ANKRD27: variants seen among roughly 807,000 people sequenced by gnomAD.
The protein encoded by ANKRD27 is ankyrin repeat domain 27.
In ANKRD27, 112 loss-of-function variants were observed where a neutral mutation model predicts 129.7. The observed-to-expected ratio is 0.86, with a 90% CI of 0.74 to 1.01. ANKRD27 has a LOEUF of 1.01. Among genes scored for constraint, ANKRD27 ranks in the 50% least tolerant of loss-of-function variants. ANKRD27 has a pLI of 0.00. For synonymous variants in ANKRD27, 516 were observed against 511.2 expected (o/e 1.01, Z -0.13); for missense variants, 1,258 against 1,300.5 (o/e 0.97, Z 0.50).
intron 24 of ANKRD27, among the ~76,000 whole-genome samples, chr19:32,604,665 G>T (rs988396172): frequency 7.0e-6 from 1 of 143,872 alleles, no homozygotes; most frequent in African/African-American, 2.7e-5. Context: ...AGCAGAAACA[G>T]GTTCAAAAAA....
intron 12 of ANKRD27, among the ~76,000 whole-genome samples, 192 bp from the exon 13 acceptor site, chr19:32,631,686 G>A (rs1333602634): frequency 6.6e-6 from 1 of 152,228 alleles, no homozygotes; most frequent in Non-Finnish European, 1.5e-5. Flanking sequence ...TGGAAGTGGA[G>A]GCTTTGACGG....
At chr19:32,658,127 G>A (rs567209487) in intron 2 of ANKRD27, among the ~76,000 whole-genome samples, 96 of 152,220 alleles carry the variant, frequency 6.3e-4, no homozygotes, top group African/African-American at 2.1e-3. Flanking sequence ...GTCGCCCCAC[G>A]GGATAAGAGA....
chr19:32,607,820 C>G lies in ANKRD27; in HGVS notation c.2188G>C (p.Val730Leu). Residue 730 changes from valine (V) to leucine (L), a missense_variant, in exon 23 of 29, where the codon GTT becomes CTT. Coordinates refer to ENST00000306065, the MANE Select transcript of ANKRD27 (RefSeq NM_032139.3). ...TTCACACCAAGCCCACTGGCAGGAACCTTCGCCAGCCTCTGGGAAGCGCAG... is the reference window on the plus strand; with the variant it reads ...TTCACACCAAGCCCACTGGCAGGAAGCTTCGCCAGCCTCTGGGAAGCGCAG... The part of the protein sequence containing the change: ...CAPAQKRLAK[V>L]PASGLGVNVT... 6.3e-7 allele frequency: 1 copy of G among 1,597,236 alleles called. No homozygotes were observed. Among genetic ancestry groups the G allele is most frequent in the Non-Finnish European group, 8.5e-7 (1 of 1,173,820 alleles).
At chr19:32,627,222 ACCACACACTTTATGCGTCCACACAT>A (rs1291196108) in intron 15 of ANKRD27, among the ~76,000 whole-genome samples, 1 of 152,104 alleles carries the variant, frequency 6.6e-6, no homozygotes, top group East Asian at 1.9e-4. Context: ...GCCCTAGAGC[ACCACACACTTTATGCGTCCACACAT>A]CCACACAAGC....
At chr19:32,619,951 G>C (rs748140819) in intron 18 of ANKRD27, among the ~76,000 whole-genome samples, 24 of 152,090 alleles carry the variant, frequency 1.6e-4, no homozygotes, top group Non-Finnish European at 3.2e-4. Flanking sequence ...TCTCAAGTAG[G>C]AACAGCTCAG....
chr19:32,616,270 C>T (rs1290500670), intron 21 of ANKRD27, among the ~76,000 whole-genome samples: 1 of 152,070 alleles, frequency 6.6e-6, no homozygotes, highest in African/African-American at 2.4e-5. Context: ...GTGGAAGATA[C>T]GGGCAGGCAT....
At chr19:32,666,247 G>A (rs1437977936) in intron 1 of ANKRD27, 2 of 152,154 alleles carry the variant, frequency 1.3e-5, no homozygotes, top group African/African-American at 4.8e-5. Flanking sequence ...CTTATTTTAG[G>A]TAAGGTTCTA....
intron 2 of ANKRD27, among the ~76,000 whole-genome samples, chr19:32,656,155 G>A (rs1967533278): frequency 6.8e-6 from 1 of 147,424 alleles, no homozygotes; most frequent in Non-Finnish European, 1.5e-5. Flanking sequence ...AAAGCCTGAA[G>A]TGGCAGCTGC....
intron 1 of ANKRD27, among the ~76,000 whole-genome samples, chr19:32,662,958 C>T (rs1395638997): frequency 6.6e-6 from 1 of 152,190 alleles, no homozygotes; most frequent in African/African-American, 2.4e-5. Flanking sequence ...AGGAGAATCA[C>T]TTGAACCCAG....
chr19:32,618,137 C>T (rs976443213), intron 20 of ANKRD27, among the ~76,000 whole-genome samples: 8 of 117,790 alleles, frequency 6.8e-5, no homozygotes, highest in African/African-American at 2.6e-4. Context: ...GCAGAACCCA[C>T]TGCCATTTAG....
At position 32,642,132 on chromosome 19, in the gene ANKRD27, G is replaced by T. The variant is rs760642564; in HGVS notation, c.796C>A (p.Arg266Ser). 2.5e-6 allele frequency: 4 copies of T among 1,605,224 alleles called. No individual in the cohort carries two copies. The highest frequency in any genetic ancestry group is 3.4e-6 in the Non-Finnish European group (4 of 1,174,640). ...AGCTGAGCCAGCTCTCTTTTGGCAC[G>T]AGGTATGTTAAAGCTGTAAAATAAT... ...VKPEFSFNIP[R>S]AKRELAQLNK... Residue 266 changes from arginine to serine, a missense_variant, in exon 10 of 29, where the codon CGT (arginine) becomes AGT (serine). Physicochemically the swap from Arg to Ser is moderately radical, Grantham distance 110 (BLOSUM62 -1). Coordinates refer to ENST00000306065, the MANE Select transcript of ANKRD27 (RefSeq NM_032139.3).
chr19:32,673,965 G>A (rs1967923820), intron 1 of ANKRD27, among the ~76,000 whole-genome samples: 1 of 147,552 alleles, frequency 6.8e-6, no homozygotes, highest in Non-Finnish European at 1.5e-5. Flanking sequence ...TAGGCAACCT[G>A]CTAGACTCCA....
chr19:32,624,176 G>C (rs1426805825), intron 17 of ANKRD27, among the ~76,000 whole-genome samples: 1 of 152,016 alleles, frequency 6.6e-6, no homozygotes. Context: ...AGACCAGCCT[G>C]GTCAACATGG....
chr19:32,601,093 G>GT (rs1324435903), intron 26 of ANKRD27, among the ~76,000 whole-genome samples: 2 of 151,730 alleles, frequency 1.3e-5, no homozygotes, highest in Admixed American at 1.3e-4. Context: ...GAGGTCAGGA[G>GT]TTTGAGACCA....
chr19:32,623,178 A>T (rs557442961), intron 17 of ANKRD27, among the ~76,000 whole-genome samples: 1 of 86,810 alleles, frequency 1.2e-5, no homozygotes, highest in South Asian at 4.4e-4. Flanking sequence ...TACAGAACAG[A>T]GTTACTACAG....
At chr19:32,662,831 T>A (rs930402648) in intron 1 of ANKRD27, among the ~76,000 whole-genome samples, 1 of 151,630 alleles carries the variant, frequency 6.6e-6, no homozygotes, top group African/African-American at 2.4e-5. Context: ...TCACTTGAGG[T>A]CAGGAGTTTG....
rs1599743174 is a variant in ANKRD27 at position 32,619,164 on chromosome 19, A to C, written c.2007+96T>G. On this transcript the variant is annotated intron_variant, in intron 20 of 28. Coordinates refer to ENST00000306065, the MANE Select transcript of ANKRD27 (RefSeq NM_032139.3). The stretch of plus-strand genomic sequence containing the variant: ...CCTCAGCATGGGCAAGCAGGCTGAG[A>C]GGGCGGCCCTTGTCAGGCCACGGCT... 4.7e-6 allele frequency: 7 copies of C among 1,475,208 alleles called. No homozygotes were observed. The East Asian group carries it at 1.6e-4, about 34-fold the overall frequency. The allele number at this position is 1,475,208 out of a possible 1,614,324, so 91.4% of individuals were successfully genotyped here. A position where few individuals can be genotyped will look rare whatever the true frequency, so the allele number is the denominator to read the frequency against.
At chr19:32,609,109 A>C (rs1429939729) in intron 22 of ANKRD27, among the ~76,000 whole-genome samples, 2 of 250 alleles carry the variant, frequency 8.0e-3, no homozygotes, top group Non-Finnish European at 0.2. Flanking sequence ...TCCATCTCCA[A>C]AAAAAAAAAA....
At position 32,639,439 on chromosome 19, in the gene ANKRD27, T is replaced by G. The variant is rs1029780250; in HGVS notation, c.1033A>C (p.Lys345Gln). ...IKNFRFSSLA[K>Q]DELGYCLTSF... Reference sequence around the variant, plus strand: ...GTCAGGCAGTATCCCAGTTCATCCTTTGCCAAGCTGCTAAACCTGAAGTTT... The same window carrying G: ...GTCAGGCAGTATCCCAGTTCATCCTGTGCCAAGCTGCTAAACCTGAAGTTT... The change falls in exon 12 of 29, where the codon AAG becomes CAG. Residue 345 changes from lysine (K) to glutamine (Q), a missense_variant. Lys to Gln is a moderately conservative substitution (Grantham distance 53). Coordinates refer to ENST00000306065, the MANE Select transcript of ANKRD27 (RefSeq NM_032139.3). 6.2e-7 allele frequency: 1 copy of G among 1,614,144 alleles called. No individual in the cohort carries two copies. The highest frequency in any genetic ancestry group is 1.1e-5 in the South Asian group (1 of 91,062).
Sources: allele counts gnomAD v4.1 joint callset (sites outside exome capture counted in the v4.1 genomes callset), GRCh38; gene constraint gnomAD v4.1.1; transcripts MANE v1.5; gene names NCBI Gene and HGNC (gene_info 2026-07-23, HGNC 2026-07-21).